TTC29: variants seen among roughly 807,000 people sequenced by gnomAD.
TTC29 encodes tetratricopeptide repeat protein 29.
In TTC29, 49 loss-of-function variants were observed where a neutral mutation model predicts 58.1. That is an observed-to-expected ratio of 0.84 (90% CI 0.67 to 1.07). The LOEUF (loss-of-function observed/expected upper bound fraction) is 1.07. Ranked by LOEUF, TTC29 falls within the 50% of genes least tolerant of loss-of-function variation. The pLI is 0.00. For missense variants in TTC29, 582 were observed against 555.6 expected, an observed-to-expected ratio of 1.05 and a Z score of -0.48; for synonymous variants, 209 against 196.8, an observed-to-expected ratio of 1.06 and a Z score of -0.52.
At chr4:146,711,727 T>G (rs1742506694) in intron 11 of TTC29, among the ~76,000 whole-genome samples, 1 of 152,124 alleles carries the variant, frequency 6.6e-6, no homozygotes, top group Admixed American at 6.6e-5. Context: ...TCAATTTTAG[T>G]AGAAACAGTA....
chr4:146,894,439 C>T (rs1415285779), intron 6 of TTC29, among the ~76,000 whole-genome samples: 2 of 150,302 alleles, frequency 1.3e-5, no homozygotes, highest in South Asian at 2.1e-4. Context: ...GACAAAAAAC[C>T]AAACACCACA....
rs149298287 is a variant in TTC29, at chr4:146,841,404, C to T, written c.886-7507G>A. Among the ~76,000 whole-genome samples, 13 of 152,096 alleles carry T rather than the reference C, an allele frequency of 8.5e-5. No homozygotes were observed. In the East Asian group the frequency reaches 1.7e-3, roughly 20 times the overall value. On this transcript the variant is annotated intron_variant, in intron 8 of 12. Coordinates refer to ENST00000325106, the MANE Select transcript of TTC29 (RefSeq NM_031956.4). ...GGTCAGTGACATGAATTTAAATGGG[C>T]CTCTGCTCTCTGGCTGGTGACCTTA...
At position 146,775,095 on chromosome 4, in the gene TTC29, A is replaced by G. The variant is rs560870590; in HGVS notation, c.1330+28362T>C. Among the ~76,000 whole-genome samples the G allele has an allele frequency of 2.0e-5, 3 of 152,164 alleles. No individual in the cohort carries two copies. In the South Asian group the frequency reaches 6.2e-4, roughly 32 times the overall value. ...CCTACTTTTTTGTTTTCCATTGCTC[A>G]GTAGCTTTTCTCCATCCATTTACTT... On this transcript the variant is annotated intron_variant, in intron 11 of 12. Coordinates refer to ENST00000325106, the MANE Select transcript of TTC29 (RefSeq NM_031956.4).
chr4:146,791,094 C>A (rs1009643532), intron 11 of TTC29, among the ~76,000 whole-genome samples: 26 of 152,146 alleles, frequency 1.7e-4, no homozygotes, highest in Non-Finnish European at 3.8e-4. Context: ...ATTATATTCT[C>A]GACTGAGTTG....
In TTC29 at chr4:146,820,945, T is replaced by C. The variant is rs7673130; in HGVS notation, c.978-697A>G. The stretch of plus-strand genomic sequence containing the variant: ...TACTCAGGAGGCTGAGGCAGGAGAA[T>C]GGCATGAACCTGGGAGGCGGAGCTT... On this transcript the variant is annotated intron_variant, in intron 9 of 12. Transcript: ENST00000325106. Among the ~76,000 whole-genome samples the C allele has an allele frequency of 2.9e-3, 432 of 150,974 alleles. 4 individuals carry two copies. The highest frequency in any genetic ancestry group is 0.01 in the African/African-American group (415 of 41,110).
intron 11 of TTC29, among the ~76,000 whole-genome samples, chr4:146,738,843 G>A (rs1283284571): frequency 6.6e-6 from 1 of 152,172 alleles, no homozygotes; most frequent in East Asian, 1.9e-4. Flanking sequence ...AAGAGGGCAA[G>A]GTTGGGGAGC....
At chr4:146,730,264 G>A (rs1031969091) in intron 11 of TTC29, among the ~76,000 whole-genome samples, 4 of 152,184 alleles carry the variant, frequency 2.6e-5, no homozygotes, top group South Asian at 4.2e-4. Context: ...TTGCAGCAAC[G>A]TGGAGGCAGC....
At chr4:146,851,721 T>C (rs543804257) in intron 8 of TTC29, among the ~76,000 whole-genome samples, 1 of 152,286 alleles carries the variant, frequency 6.6e-6, no homozygotes, top group African/African-American at 2.4e-5. Context: ...TGGACATATT[T>C]CACTGTCAGA....
At chr4:146,910,678 GTCATCT>G (rs1733837685) in intron 4 of TTC29, among the ~76,000 whole-genome samples, 1 of 152,162 alleles carries the variant, frequency 6.6e-6, no homozygotes, top group Non-Finnish European at 1.5e-5. Context: ...TTTTACAAAA[GTCATCT>G]GGAAGAAGTG....
intron 4 of TTC29, among the ~76,000 whole-genome samples, chr4:146,929,097 T>G (rs1202904297): frequency 2.0e-5 from 3 of 149,620 alleles, no homozygotes; most frequent in Non-Finnish European, 2.9e-5. Flanking sequence ...CAATTTGTAT[T>G]AATTTAAGGA....
At chr4:146,871,253 T>G (rs377522398) in intron 7 of TTC29, among the ~76,000 whole-genome samples, 1 of 151,834 alleles carries the variant, frequency 6.6e-6, no homozygotes, top group Non-Finnish European at 1.5e-5. Context: ...TCTCAATAGA[T>G]GTAGGAAAAA....
Position 146,810,588 on chromosome 4 carries a change from CT to C in TTC29, c.1102-6904del, listed in dbSNP as rs398051307. Among the ~76,000 whole-genome samples the C allele has an allele frequency of 9.6e-3, 921 of 96,266 alleles. 3 individuals are homozygous for C. Among genetic ancestry groups the C allele is most frequent in the African/African-American group, 0.019 (470 of 25,136 alleles). The allele number at this position is 96,266 out of a possible 152,430, so 63.2% of individuals were successfully genotyped here. A position where few individuals can be genotyped will look rare whatever the true frequency, so the allele number is the denominator to read the frequency against. ...TAATGAAATATTTTTTACATACCTT[CT>C]TTTTTTTTTTTTTTTTTTTTGAGGT... On this transcript the variant is annotated intron_variant, in intron 10 of 12. Transcript: ENST00000325106.
intron 4 of TTC29, among the ~76,000 whole-genome samples, chr4:146,919,489 G>T (rs1371850367): frequency 6.6e-6 from 1 of 150,840 alleles, no homozygotes; most frequent in African/African-American, 2.4e-5. Flanking sequence ...GGACTACAAA[G>T]AGTGGACTAA....
At chr4:146,842,664 T>TA (rs1728921879) in intron 8 of TTC29, among the ~76,000 whole-genome samples, 1 of 152,166 alleles carries the variant, frequency 6.6e-6, no homozygotes, top group Non-Finnish European at 1.5e-5. Context: ...GTACATTTTT[T>TA]ACCCGTTTCT....
intron 2 of TTC29, chr4:146,942,433 T>C: frequency 4.5e-6 from 2 of 448,362 alleles, no homozygotes; most frequent in Non-Finnish European, 7.9e-6. Context: ...TCTATTTTTC[T>C]GATTAGATGT....
intron 8 of TTC29, among the ~76,000 whole-genome samples, chr4:146,838,804 C>G (rs948140210): frequency 3.9e-5 from 6 of 151,974 alleles, no homozygotes; most frequent in Non-Finnish European, 8.8e-5. Context: ...CCTCTGTTTT[C>G]CTATTTCTCA....
At chr4:146,842,295 T>C (rs1475218738) in intron 8 of TTC29, among the ~76,000 whole-genome samples, 2 of 152,112 alleles carry the variant, frequency 1.3e-5, no homozygotes, top group Non-Finnish European at 2.9e-5. Context: ...AAAAAACATT[T>C]GTTCAGCCCA....
At chr4:146,851,527 G>A (rs1165507685) in intron 8 of TTC29, among the ~76,000 whole-genome samples, 1 of 152,096 alleles carries the variant, frequency 6.6e-6, no homozygotes, top group South Asian at 2.1e-4. Context: ...TCTTTCAACT[G>A]AAAATCTAGC....
intron 9 of TTC29, among the ~76,000 whole-genome samples, chr4:146,832,358 T>C (rs765236921): frequency 6.6e-6 from 1 of 152,130 alleles, no homozygotes; most frequent in Admixed American, 6.6e-5. Context: ...TTTTGAAAAA[T>C]AGCTGAGTTG....
Sources: gnomAD v4.1 joint callset for allele counts (sites outside exome capture counted in the v4.1 genomes callset) on GRCh38, gnomAD v4.1.1 for gene constraint, MANE v1.5 for transcripts, NCBI Gene and HGNC (gene_info 2026-07-23, HGNC 2026-07-21) for gene names.